The following MARCHF1 variants were observed in gnomAD, a reference collection of about 807,000 sequenced individuals.
MARCHF1 encodes E3 ubiquitin-protein ligase MARCHF1.
In MARCHF1, 40 loss-of-function variants were observed where a neutral mutation model predicts 54.2. That is an observed-to-expected ratio of 0.74 (90% CI 0.57 to 0.96). MARCHF1 has a LOEUF of 0.96. MARCHF1 is among the 40% of genes least tolerant of loss of function. The pLI is 0.00. For missense variants in MARCHF1, 586 were observed against 656.5 expected (o/e 0.89, Z 1.17); for synonymous variants, 236 against 236.3 (o/e 1.00, Z 0.01).
Position 164,262,584 on chromosome 4 carries a change from A to C in MARCHF1, c.-323+121286T>G, listed in dbSNP as rs1263497028. ...TTATATTCAGAATTACTCAAGTCTT[A>C]GAAGCACCACTTGTCTTTTTTCAAG... On this transcript the variant is annotated intron_variant, in intron 1 of 9. Transcript: ENST00000514618. 2.0e-5 allele frequency among the ~76,000 whole-genome samples: 3 copies of C among 152,326 alleles called. No homozygotes were observed. The East Asian group carries it at 5.8e-4, about 29-fold the overall frequency.
intron 5 of MARCHF1, among the ~76,000 whole-genome samples, chr4:163,659,294 C>A (rs1419357822): frequency 6.6e-6 from 1 of 151,952 alleles, no homozygotes; most frequent in Non-Finnish European, 1.5e-5. Flanking sequence ...CAAAAACAAG[C>A]AATGGGGAAA....
intron 1 of MARCHF1, among the ~76,000 whole-genome samples, chr4:164,273,849 A>T (rs993297664): frequency 6.6e-6 from 1 of 152,190 alleles, no homozygotes; most frequent in Non-Finnish European, 1.5e-5. Flanking sequence ...ATGCAAACCA[A>T]ATCTCTAGAA....
intron 3 of MARCHF1, among the ~76,000 whole-genome samples, chr4:163,855,863 T>G (rs1399966056): frequency 1.3e-5 from 2 of 152,214 alleles, no homozygotes; most frequent in African/African-American, 2.4e-5. Flanking sequence ...TTGTCATTTC[T>G]TATACTCAGT....
rs74680516 is a variant in MARCHF1 at position 163,776,005 on chromosome 4, A to C, written c.112-75142T>G. On this transcript the variant is annotated intron_variant, in intron 4 of 9. Transcript: ENST00000514618. ...GGTGGCAAGGGTGCAGCTTTAGGCT[A>C]TATTTCTGACAAGAAGATTCTGATA... Among the ~76,000 whole-genome samples, 1,024 of 152,294 alleles carry C rather than the reference A, an allele frequency of 6.7e-3. 8 individuals are homozygous for C. Among genetic ancestry groups the C allele is most frequent in the South Asian group, 0.03 (147 of 4,826 alleles).
chr4:164,052,836 A>G (rs1410796111), intron 2 of MARCHF1, among the ~76,000 whole-genome samples: 2 of 152,108 alleles, frequency 1.3e-5, no homozygotes, highest in African/African-American at 2.4e-5. Context: ...GCTAAAAAGT[A>G]ATTAGGAGAC....
chr4:163,954,297 CA>C (rs1302347038), intron 3 of MARCHF1, among the ~76,000 whole-genome samples: 1 of 151,914 alleles, frequency 6.6e-6, no homozygotes, highest in African/African-American at 2.4e-5. Flanking sequence ...AGCATAAATC[CA>C]AATATTTATA....
chr4:163,744,884 T>C (rs1382749281), intron 4 of MARCHF1, among the ~76,000 whole-genome samples: 1 of 151,930 alleles, frequency 6.6e-6, no homozygotes, highest in African/African-American at 2.4e-5. Context: ...AAATATAATA[T>C]AGAAATTATG....
At chr4:164,130,932 G>A (rs1756287960) in intron 1 of MARCHF1, among the ~76,000 whole-genome samples, 1 of 152,036 alleles carries the variant, frequency 6.6e-6, no homozygotes, top group Non-Finnish European at 1.5e-5. Context: ...TCTAGGATAC[G>A]AGACATCTTT....
chr4:164,355,517 G>C (rs2110903436), intron 1 of MARCHF1, among the ~76,000 whole-genome samples: 1 of 116,370 alleles, frequency 8.6e-6, no homozygotes, highest in South Asian at 3.1e-4. Context: ...AATGGGGAAA[G>C]GATTCCCTAT....
chr4:164,100,902 C>G (rs571914220), intron 2 of MARCHF1, among the ~76,000 whole-genome samples: 5 of 152,096 alleles, frequency 3.3e-5, no homozygotes, highest in African/African-American at 1.2e-4. Context: ...TCAGTGGGTG[C>G]GCGCACAGTG....
intron 1 of MARCHF1, among the ~76,000 whole-genome samples, chr4:164,342,131 G>A (rs1018574919): frequency 6.6e-6 from 1 of 151,974 alleles, no homozygotes; most frequent in Non-Finnish European, 1.5e-5. Context: ...AACCAGATCA[G>A]AAAATGGACA....
chr4:163,894,616 T>C lies in MARCHF1; in HGVS notation c.-38-40447A>G, dbSNP rs76320626. Among the ~76,000 whole-genome samples, 356 of 143,760 alleles carry C rather than the reference T, an allele frequency of 2.5e-3. 13 individuals are homozygous for C. The highest frequency in any genetic ancestry group is 7.1e-3 in the East Asian group (34 of 4,764). The allele number at this position is 143,760 out of a possible 152,430, so 94.3% of individuals were successfully genotyped here. A position where few individuals can be genotyped will look rare whatever the true frequency, so the allele number is the denominator to read the frequency against. ...TATATGCATGTGATGCATATATATA[T>C]ATGCATGTGATGCATATATATATAT... On this transcript the variant is annotated intron_variant, in intron 3 of 9. Coordinates refer to ENST00000514618, the MANE Select transcript of MARCHF1 (RefSeq NM_001394959.1).
chr4:164,365,848 G>A (rs978510484), intron 1 of MARCHF1, among the ~76,000 whole-genome samples: 3 of 151,928 alleles, frequency 2.0e-5, no homozygotes, highest in African/African-American at 7.2e-5. Context: ...ACATTATTTT[G>A]TATGAAAATT....
At chr4:164,168,961 T>C (rs1022800705) in intron 1 of MARCHF1, among the ~76,000 whole-genome samples, 1 of 152,000 alleles carries the variant, frequency 6.6e-6, no homozygotes, top group Non-Finnish European at 1.5e-5. Flanking sequence ...TTGACAGACA[T>C]AGGTCAAAGG....
At chr4:163,980,389 C>T (rs894820145) in intron 3 of MARCHF1, among the ~76,000 whole-genome samples, 40 of 143,642 alleles carry the variant, frequency 2.8e-4, no homozygotes, top group Non-Finnish European at 5.3e-4. Context: ...AAGATTTAAA[C>T]GTTAGACCTA....
At chr4:163,599,562 C>T (rs1444017856) in intron 7 of MARCHF1, among the ~76,000 whole-genome samples, 1 of 152,072 alleles carries the variant, frequency 6.6e-6, no homozygotes, top group African/African-American at 2.4e-5. Flanking sequence ...TTGTTAGGTT[C>T]CTTTTCCCTA....
At chr4:163,823,189 G>C (rs1675232063) in intron 4 of MARCHF1, among the ~76,000 whole-genome samples, 1 of 151,664 alleles carries the variant, frequency 6.6e-6, no homozygotes, top group South Asian at 2.1e-4. Context: ...TCTGACATTT[G>C]TGTCAGAAAA....
At chr4:163,716,973 CACAT>C (rs1003877318) in intron 4 of MARCHF1, among the ~76,000 whole-genome samples, 3 of 152,046 alleles carry the variant, frequency 2.0e-5, no homozygotes, top group Non-Finnish European at 4.4e-5. Flanking sequence ...TTAAAATCTA[CACAT>C]ACACATTTAT....
intron 1 of MARCHF1, among the ~76,000 whole-genome samples, chr4:164,131,840 T>A (rs1226344495): frequency 6.6e-6 from 1 of 152,154 alleles, no homozygotes; most frequent in African/African-American, 2.4e-5. Context: ...TTACATGAAG[T>A]CTGTGTATTG....
Sources: allele counts gnomAD v4.1 joint callset (sites outside exome capture counted in the v4.1 genomes callset), GRCh38; gene constraint gnomAD v4.1.1; transcripts MANE v1.5; gene names NCBI Gene and HGNC (gene_info 2026-07-23, HGNC 2026-07-21).